Variants in CPXM2 observed in about 807,000 individuals in gnomAD.
CPXM2 encodes the protein inactive carboxypeptidase-like protein X2.
A neutral mutation model predicts 86.1 loss-of-function variants in CPXM2; 66 were observed. The ratio of observed to expected loss-of-function variants is 0.77; its 90% CI spans 0.63 to 0.94. The LOEUF (loss-of-function observed/expected upper bound fraction) is 0.94. Ranked by LOEUF, CPXM2 falls within the 40% of genes least tolerant of loss-of-function variation. CPXM2 has a pLI of 0.00. For missense variants in CPXM2, 948 were observed against 1,026.3 expected (o/e 0.92, Z 1.04); for synonymous variants, 388 against 400.2 (o/e 0.97, Z 0.36).
chr10:123,884,485 G>A (rs760544448), intron 1 of CPXM2, among the ~76,000 whole-genome samples: 1 of 152,212 alleles, frequency 6.6e-6, no homozygotes, highest in Non-Finnish European at 1.5e-5. Context: ...CAATTCTGAG[G>A]ACTGGAAGCT....
At chr10:123,875,285 G>C (rs1010941074) in intron 2 of CPXM2, among the ~76,000 whole-genome samples, 3 of 152,206 alleles carry the variant, frequency 2.0e-5, no homozygotes, top group African/African-American at 7.2e-5. Flanking sequence ...AAAATAGCAA[G>C]GAGTAGGGGC....
intron 13 of CPXM2, chr10:123,751,484 A>G (rs1846075451): frequency 3.0e-6 from 3 of 984,026 alleles, no homozygotes; most frequent in Non-Finnish European, 3.6e-6. Context: ...CCACCCTGAC[A>G]CATCTCCTAT....
intron 1 of CPXM2, among the ~76,000 whole-genome samples, chr10:123,882,360 C>T (rs1945106916): frequency 6.6e-6 from 1 of 152,226 alleles, no homozygotes; most frequent in Non-Finnish European, 1.5e-5. Flanking sequence ...CTGCTTTGGC[C>T]TGTGTCCTGC....
chr10:123,749,163 G>A (rs900824368), intron 13 of CPXM2, among the ~76,000 whole-genome samples: 14 of 152,006 alleles, frequency 9.2e-5, no homozygotes, highest in Non-Finnish European at 1.5e-4. Flanking sequence ...AGTTAAGGCC[G>A]AGAGCCTGCC....
Position 123,865,069 on chromosome 10 carries a change from G to T in CPXM2, c.404-2346C>A, listed in dbSNP as rs1269173532. On this transcript the variant is annotated intron_variant, in intron 2 of 13. Coordinates refer to ENST00000241305, the MANE Select transcript of CPXM2 (RefSeq NM_198148.3). This position sits in a 1 kb window ranked among gnomAD's most constrained non-coding sequence, Gnocchi z 4.7. ...AGCCATTCTTGTCCACTCCTGTGATGGTGTCACGGCAAAGCCAGAAACTTC... is the reference window on the plus strand; with the variant it reads ...AGCCATTCTTGTCCACTCCTGTGATTGTGTCACGGCAAAGCCAGAAACTTC... Among the ~76,000 whole-genome samples the T allele has an allele frequency of 1.3e-5, 2 of 152,164 alleles. No individual in the cohort carries two copies. The highest frequency in any genetic ancestry group is 1.3e-4 in the Admixed American group (2 of 15,278).
At chr10:123,804,042 A>T (rs148445091) in intron 4 of CPXM2, among the ~76,000 whole-genome samples, 327 of 152,220 alleles carry the variant, frequency 2.1e-3, no homozygotes, top group Non-Finnish European at 3.5e-3. Flanking sequence ...CCAGAGTGGA[A>T]ATTTGCTATA....
Position 123,923,536 on chromosome 10 carries a change from G to C in CPXM2, n.174+15941C>G, listed in dbSNP as rs932640545. ...GCGGAGCTTGCAGTGAGCCGAGATCGCGCCACTGCACTCCAGCCTGGGCGA... is the reference window on the plus strand; with the variant it reads ...GCGGAGCTTGCAGTGAGCCGAGATCCCGCCACTGCACTCCAGCCTGGGCGA... On this transcript the variant is annotated intron_variant and non_coding_transcript_variant, in intron 2 of 19. Transcript: ENST00000368854. Among the ~76,000 whole-genome samples, 181 of 151,090 alleles carry C rather than the reference G, an allele frequency of 1.2e-3. 2 individuals are homozygous for C. Among genetic ancestry groups the C allele is most frequent in the Non-Finnish European group, 2.1e-3 (141 of 67,758 alleles).
intron 4 of CPXM2, 90 bp downstream of exon 4, chr10:123,842,259 T>C: frequency 6.5e-7 from 1 of 1,543,046 alleles, no homozygotes; most frequent in South Asian, 1.2e-5. Flanking sequence ...ACCAAACACC[T>C]CTCTGCAACT....
upstream of CPXM2, among the ~76,000 whole-genome samples, chr10:123,895,314 G>C (rs749319797): frequency 2.0e-5 from 3 of 151,766 alleles, no homozygotes; most frequent in Non-Finnish European, 4.4e-5. Flanking sequence ...CATACAGACA[G>C]GGTTTCACCA....
At chr10:123,937,458 AGAC>A in intron 2 of CPXM2, among the ~76,000 whole-genome samples, 1 of 139,490 alleles carries the variant, frequency 7.2e-6, no homozygotes, top group Middle Eastern at 3.4e-3. Context: ...TAGAAAAACA[AGAC>A]AACAAAACAA....
chr10:123,802,811 C>T (rs1847489127), intron 4 of CPXM2, among the ~76,000 whole-genome samples: 1 of 152,252 alleles, frequency 6.6e-6, no homozygotes, highest in Admixed American at 6.5e-5. Context: ...CTCTTATTGA[C>T]ACTTGTTATT....
At chr10:123,933,305 A>G (rs1347309586) in intron 2 of CPXM2, among the ~76,000 whole-genome samples, 2 of 152,190 alleles carry the variant, frequency 1.3e-5, no homozygotes, top group Admixed American at 6.5e-5. Context: ...TGGCATTTTG[A>G]TTAAATAAGA....
chr10:123,807,520 T>C (rs1254623775), intron 4 of CPXM2, among the ~76,000 whole-genome samples: 1 of 152,180 alleles, frequency 6.6e-6, no homozygotes, highest in African/African-American at 2.4e-5. Context: ...AGGTAACTTA[T>C]ACAACATTCC....
intron 2 of CPXM2, among the ~76,000 whole-genome samples, chr10:123,937,284 C>T (rs984317378): frequency 4.6e-5 from 7 of 152,118 alleles, no homozygotes; most frequent in Admixed American, 3.3e-4. Flanking sequence ...CTTGAAGCTT[C>T]GAGTTCCCTT....
chr10:123,929,326 T>C (rs1326339322), intron 2 of CPXM2, among the ~76,000 whole-genome samples: 2 of 152,220 alleles, frequency 1.3e-5, no homozygotes, highest in Non-Finnish European at 2.9e-5. Context: ...ACTGGTGCCT[T>C]GGCAATCCTT....
chr10:123,941,089 T>C (rs540859744), upstream of CPXM2, among the ~76,000 whole-genome samples: 1 of 152,280 alleles, frequency 6.6e-6, no homozygotes, highest in South Asian at 2.1e-4. Flanking sequence ...GAGAATGGCA[T>C]GAACCTGGGA....
At chr10:123,908,979 C>A (rs1377717790) in intron 2 of CPXM2, among the ~76,000 whole-genome samples, 1 of 152,136 alleles carries the variant, frequency 6.6e-6, no homozygotes, top group African/African-American at 2.4e-5. Flanking sequence ...AAACACAAGC[C>A]AGGAGGCTCA....
intron 4 of CPXM2, among the ~76,000 whole-genome samples, chr10:123,806,194 TCTGAATATGG>T (rs1231361254): frequency 4.6e-5 from 7 of 152,210 alleles, no homozygotes; most frequent in Non-Finnish European, 1.0e-4. Context: ...GTTTTTGTTG[TCTGAATATGG>T]CTTCTTCATT....
chr10:123,876,226 T>A (rs1944985019), intron 2 of CPXM2, among the ~76,000 whole-genome samples: 2 of 152,186 alleles, frequency 1.3e-5, no homozygotes, highest in Admixed American at 6.5e-5. Flanking sequence ...TGAGCATATG[T>A]AGAGCACCTG....
Sources: gnomAD v4.1 joint callset for allele counts (sites outside exome capture counted in the v4.1 genomes callset) on GRCh38, gnomAD v4.1.1 for gene constraint, Gnocchi (gnomAD v3.1) non-coding constraint, MANE v1.5 for transcripts, NCBI Gene and HGNC (gene_info 2026-07-23, HGNC 2026-07-21) for gene names.